The following CSMD1 variants were observed in gnomAD, a reference collection of about 807,000 sequenced individuals.
CSMD1 encodes CUB and sushi domain-containing protein 1.
In CSMD1, 213 loss-of-function variants were observed where a neutral mutation model predicts 417.5. The observed-to-expected ratio is 0.51, with a 90% CI of 0.46 to 0.57. The LOEUF is 0.57. CSMD1 is among the 20% of genes least tolerant of loss of function. The pLI is 0.00. For missense variants in CSMD1, 6,923 were observed against 4,529.7 expected (o/e 1.53, Z -15.17); for synonymous variants, 2,862 against 1,736.8 (o/e 1.65, Z -16.11).
At chr8:3,151,771 A>G (rs374976794) in intron 39 of CSMD1, among the ~76,000 whole-genome samples, 2 of 152,342 alleles carry the variant, frequency 1.3e-5, no homozygotes, top group Admixed American at 1.3e-4. Context: ...GGCTCCCAGT[A>G]AAGATGAGTC....
intron 12 of CSMD1, among the ~76,000 whole-genome samples, chr8:3,448,016 C>T (rs1343702096): frequency 2.0e-5 from 3 of 151,998 alleles, no homozygotes; most frequent in Non-Finnish European, 2.9e-5. Flanking sequence ...CCACTGGGAC[C>T]TCCTAACCCT....
intron 1 of CSMD1, among the ~76,000 whole-genome samples, chr8:4,928,618 T>C (rs1236984203): frequency 6.6e-6 from 1 of 152,168 alleles, no homozygotes; most frequent in African/African-American, 2.4e-5. Context: ...CGCTGAGAAG[T>C]AACTGGCTCA....
At chr8:4,233,088 C>G (rs1050261576) in intron 3 of CSMD1, among the ~76,000 whole-genome samples, 1 of 152,164 alleles carries the variant, frequency 6.6e-6, no homozygotes, top group Non-Finnish European at 1.5e-5. Flanking sequence ...TGTGCACTGG[C>G]ACTGAACTGC....
intron 38 of CSMD1, among the ~76,000 whole-genome samples, chr8:3,161,636 A>C (rs549937878): frequency 8.6e-5 from 13 of 151,986 alleles, no homozygotes; most frequent in Admixed American, 7.9e-4. Flanking sequence ...AAAAAAAAAA[A>C]AAAAAAAAAC....
At chr8:3,511,767 CA>C (rs1563108801) in intron 10 of CSMD1, among the ~76,000 whole-genome samples, 1 of 13,676 alleles carries the variant, frequency 7.3e-5, no homozygotes, top group Non-Finnish European at 2.0e-4. Flanking sequence ...AAAAAAATAA[CA>C]TAACATAACA....
intron 1 of CSMD1, among the ~76,000 whole-genome samples, chr8:4,717,332 C>G (rs529992293): frequency 1.0e-5 from 1 of 100,316 alleles, no homozygotes; most frequent in Non-Finnish European, 1.9e-5. Flanking sequence ...TATATACACA[C>G]ACACACGTAT....
At position 3,270,454 on chromosome 8, in the gene CSMD1, A is replaced by T. The variant is rs142611085; in HGVS notation, c.4153+13690T>A. Among the ~76,000 whole-genome samples, 371 of 152,366 alleles carry T rather than the reference A, an allele frequency of 2.4e-3. 1 individual carries two copies. Among genetic ancestry groups the T allele is most frequent in the Non-Finnish European group, 4.5e-3 (308 of 68,042 alleles). On this transcript the variant is annotated intron_variant, in intron 26 of 69. Coordinates refer to ENST00000635120, the MANE Select transcript of CSMD1 (RefSeq NM_033225.6). ...TAATGAAGAAAATTTACCAGGTGAT[A>T]GATTAAAAACTATGGTTACTTAAAA...
chr8:3,786,729 G>A (rs73500710), intron 5 of CSMD1, among the ~76,000 whole-genome samples: 9,023 of 152,256 alleles, frequency 0.059, 590 homozygotes, highest in African/African-American at 0.15. Flanking sequence ...GGAAGCCCAT[G>A]ATCAAGGCTC....
chr8:4,423,274 C>G (rs1448396979), intron 2 of CSMD1, among the ~76,000 whole-genome samples: 1 of 151,984 alleles, frequency 6.6e-6, no homozygotes, highest in African/African-American at 2.4e-5. Context: ...AAAATTACTA[C>G]TATTTGAAGT....
intron 5 of CSMD1, among the ~76,000 whole-genome samples, chr8:3,808,011 C>T (rs1056623244): frequency 6.6e-6 from 1 of 152,150 alleles, no homozygotes; most frequent in Non-Finnish European, 1.5e-5. Context: ...TTAAAGTCGT[C>T]TCATTCTTGA....
At chr8:4,386,399 G>C (rs781051467) in intron 3 of CSMD1, among the ~76,000 whole-genome samples, 1 of 151,916 alleles carries the variant, frequency 6.6e-6, no homozygotes, top group Non-Finnish European at 1.5e-5. Context: ...TTCCATCCCC[G>C]GTTATGACTT....
intron 1 of CSMD1, among the ~76,000 whole-genome samples, chr8:4,927,859 G>A (rs1004756649): frequency 4.6e-5 from 7 of 152,128 alleles, no homozygotes; most frequent in Non-Finnish European, 8.8e-5. Flanking sequence ...GATATACCCA[G>A]AATTCTACCA....
intron 3 of CSMD1, among the ~76,000 whole-genome samples, chr8:4,125,333 A>G (rs1802700360): frequency 6.6e-6 from 1 of 152,206 alleles, no homozygotes; most frequent in African/African-American, 2.4e-5. Flanking sequence ...AACTCTAAAG[A>G]GCGCAACTGT....
chr8:4,013,141 T>C (rs936508518), intron 4 of CSMD1, among the ~76,000 whole-genome samples: 1 of 152,118 alleles, frequency 6.6e-6, no homozygotes, highest in African/African-American at 2.4e-5. Flanking sequence ...CCCATTGTGC[T>C]CCCACACTGC....
At chr8:4,854,266 C>G (rs539329545) in intron 1 of CSMD1, among the ~76,000 whole-genome samples, 1 of 152,174 alleles carries the variant, frequency 6.6e-6, no homozygotes, top group African/African-American at 2.4e-5. Context: ...GAAATATAAT[C>G]CCCAGTGTTG....
intron 5 of CSMD1, among the ~76,000 whole-genome samples, chr8:3,913,080 C>G (rs1472423068): frequency 6.6e-6 from 1 of 152,066 alleles, no homozygotes; most frequent in Admixed American, 6.6e-5. Flanking sequence ...AGGAAAGGAG[C>G]TTTTGGATGG....
At chr8:4,989,535 C>T (rs1053615007) in intron 1 of CSMD1, among the ~76,000 whole-genome samples, 1 of 152,172 alleles carries the variant, frequency 6.6e-6, no homozygotes, top group African/African-American at 2.4e-5. Flanking sequence ...AGAAGACATA[C>T]TTGACCTTTA....
At chr8:4,751,577 C>T (rs1262980050) in intron 1 of CSMD1, among the ~76,000 whole-genome samples, 1 of 152,072 alleles carries the variant, frequency 6.6e-6, no homozygotes, top group African/African-American at 2.4e-5. Flanking sequence ...TTAATCTCAC[C>T]TACAGATAAA....
At chr8:3,392,609 T>TC (rs1811417974) in intron 17 of CSMD1, among the ~76,000 whole-genome samples, 1 of 152,150 alleles carries the variant, frequency 6.6e-6, no homozygotes, top group South Asian at 2.1e-4. Context: ...GGGATCTGCG[T>TC]CTGCCTTCAC....
Sources: allele counts gnomAD v4.1 joint callset (sites outside exome capture counted in the v4.1 genomes callset), GRCh38; gene constraint gnomAD v4.1.1; transcripts MANE v1.5; gene names NCBI Gene and HGNC (gene_info 2026-07-23, HGNC 2026-07-21).